ZW10: variants seen among roughly 807,000 people sequenced by gnomAD.
ZW10 encodes centromere/kinetochore protein zw10 homolog.
Under a neutral mutation model 87.8 loss-of-function variants are expected in ZW10, and 53 were observed. The observed-to-expected ratio is 0.60, with a 90% CI of 0.48 to 0.76. The LOEUF (loss-of-function observed/expected upper bound fraction) is 0.76. Among genes scored for constraint, ZW10 ranks in the 30% least tolerant of loss-of-function variants. ZW10 has a pLI of 0.00. For synonymous variants in ZW10, 312 were observed against 329.2 expected, an observed-to-expected ratio of 0.95 and a Z score of 0.57; for missense variants, 837 against 923.0, an observed-to-expected ratio of 0.91 and a Z score of 1.21.
rs1201418565 is a variant in ZW10 at position 113,733,433 on chromosome 11, G to A, written c.*261C>T. 9.0e-6 allele frequency: 4 copies of A among 443,522 alleles called. No homozygotes were observed. Among genetic ancestry groups the A allele is most frequent in the East Asian group, 9.2e-5 (2 of 21,724 alleles). 27.5% of individuals were successfully genotyped at this position (443,522 alleles called of 1,614,324 possible). On this transcript the variant is annotated 3_prime_UTR_variant, in exon 16 of 16. Transcript: ENST00000200135. ...GAAGCAGCATGAAATAATGCTGCCT[G>A]ACAGTTTGTTAGCTAATCAAAGGAA...
intron 7 of ZW10, among the ~76,000 whole-genome samples, chr11:113,751,636 G>A (rs1953735499): frequency 1.3e-5 from 2 of 152,208 alleles, no homozygotes; most frequent in Admixed American, 1.3e-4. Context: ...CGCACTTTGG[G>A]AGCCAAGGAG....
At chr11:113,741,978 A>G (rs1326019574) in intron 10 of ZW10, among the ~76,000 whole-genome samples, 1 of 152,240 alleles carries the variant, frequency 6.6e-6, no homozygotes, top group Admixed American at 6.5e-5. Context: ...AAACACCTGG[A>G]TGCATTAATG....
At chr11:113,744,900 G>C (rs17541153) in intron 9 of ZW10, among the ~76,000 whole-genome samples, 11,578 of 152,062 alleles carry the variant, frequency 0.076, 597 homozygotes, top group Non-Finnish European at 0.11. Context: ...CTGTGCAACT[G>C]GCCTAAGATT....
At chr11:113,762,065 A>T (rs980806753) in intron 2 of ZW10, among the ~76,000 whole-genome samples, 1 of 152,206 alleles carries the variant, frequency 6.6e-6, no homozygotes, top group African/African-American at 2.4e-5. Flanking sequence ...AACAATGGGG[A>T]CGCATTCTAA....
chr11:113,741,837 G>C, intron 10 of ZW10, 72 bp from the exon 11 acceptor site: 1 of 1,052,670 alleles, frequency 9.5e-7, no homozygotes. Context: ...TTTAAACTAA[G>C]TGCATCTTCA....
chr11:113,737,627 C>A lies in ZW10; in HGVS notation c.1961G>T (p.Gly654Val), dbSNP rs1388895629. Residue 654 changes from glycine to valine, a missense_variant, in exon 14 of 16, where the codon GGG becomes GTG. Coordinates refer to ENST00000200135, the MANE Select transcript of ZW10 (RefSeq NM_004724.4). ...AGAAATTGCTGTATTGAGTAAAGTC[C>A]CCATAGCCTTGCAATATATATTCAC... ...LPVNIYCKAM[G>V]TLLNTAISEV... The A allele has an allele frequency of 6.2e-7, 1 of 1,613,488 alleles. No individual in the cohort carries two copies. The highest frequency in any genetic ancestry group is 8.5e-7 in the Non-Finnish European group (1 of 1,179,566).
At chr11:113,761,509 G>A (rs890822940) in intron 2 of ZW10, among the ~76,000 whole-genome samples, 3 of 152,158 alleles carry the variant, frequency 2.0e-5, no homozygotes, top group Admixed American at 1.3e-4. Flanking sequence ...TTGAACTCCT[G>A]GACTCAAGCG....
At chr11:113,765,020 A>C (rs1390818088) in intron 2 of ZW10, among the ~76,000 whole-genome samples, 1 of 152,208 alleles carries the variant, frequency 6.6e-6, no homozygotes, top group African/African-American at 2.4e-5. Flanking sequence ...GTCTGAAGAC[A>C]TTGGCTGTCA....
intron 15 of ZW10, 49 bp from the exon 16 acceptor site, chr11:113,733,863 T>G (rs943044549): frequency 6.6e-7 from 1 of 1,526,228 alleles, no homozygotes; most frequent in Admixed American, 2.2e-5. Context: ...CTCTGAAGTA[T>G]AAGCAAGACT....
intron 5 of ZW10, 28 bp downstream of exon 5, chr11:113,760,181 A>C: frequency 1.2e-6 from 2 of 1,606,386 alleles, no homozygotes; most frequent in Non-Finnish European, 1.7e-6. Flanking sequence ...CAGATGAAGC[A>C]AAGCAGTCCA....
intron 9 of ZW10, among the ~76,000 whole-genome samples, chr11:113,745,443 G>C (rs1427320211): frequency 2.6e-5 from 4 of 152,150 alleles, no homozygotes; most frequent in African/African-American, 9.7e-5. Flanking sequence ...ATTTAAGTCA[G>C]TGGACTTGGC....
chr11:113,751,311 TA>T (rs1953732321), intron 7 of ZW10: 4 of 213,946 alleles, frequency 1.9e-5, no homozygotes, highest in South Asian at 5.8e-5. Context: ...TGCGATGAAA[TA>T]AAAAGGCCAA....
chr11:113,736,940 A>C, intron 14 of ZW10, 118 bp from the exon 15 acceptor site: 1 of 851,760 alleles, frequency 1.2e-6, no homozygotes, highest in Non-Finnish European at 1.9e-6. Flanking sequence ...ATGTTTTCCA[A>C]CCAATTTGGA....
At position 113,739,333 on chromosome 11, in the gene ZW10, AGTT is replaced by A. The variant is rs1443503356; in HGVS notation, c.1630_1632del (p.Asn544del). 1 of 1,608,768 alleles carries A rather than the reference AGTT, an allele frequency of 6.2e-7. No individual in the cohort carries two copies. The highest frequency in any genetic ancestry group is 8.5e-7 in the Non-Finnish European group (1 of 1,177,746). On this transcript the variant is annotated inframe_deletion, in exon 12 of 16. Coordinates refer to ENST00000200135, the MANE Select transcript of ZW10 (RefSeq NM_004724.4). Reference sequence around the variant, plus strand: ...AGCAAGTGGTGAGCAATGTACATACAGTTGTTGTGATGAATAGCAGCCAACTGG... The same window carrying A: ...AGCAAGTGGTGAGCAATGTACATACAGTTGTGATGAATAGCAGCCAACTGG...
chr11:113,748,726 G>A (rs1953706592), intron 7 of ZW10, among the ~76,000 whole-genome samples: 1 of 152,144 alleles, frequency 6.6e-6, no homozygotes, highest in Non-Finnish European at 1.5e-5. Flanking sequence ...GCACTCAGAA[G>A]TTCTGCATTC....
intron 14 of ZW10, 98 bp from the exon 15 acceptor site, chr11:113,736,920 C>A: frequency 9.1e-7 from 1 of 1,100,366 alleles, no homozygotes; most frequent in Admixed American, 1.9e-5. Flanking sequence ...CCAGGTGGGT[C>A]AGCTACAACA....
chr11:113,763,189 C>T (rs1296547049), intron 2 of ZW10, among the ~76,000 whole-genome samples: 3 of 152,220 alleles, frequency 2.0e-5, no homozygotes, highest in Non-Finnish European at 4.4e-5. Context: ...CTACAAAGGA[C>T]ATGCTCTCAT....
chr11:113,740,249 G>A (rs531125753), intron 11 of ZW10, among the ~76,000 whole-genome samples: 30 of 152,240 alleles, frequency 2.0e-4, no homozygotes, highest in African/African-American at 6.7e-4. Context: ...CCTAGGAAGA[G>A]AGTAAATATG....
At position 113,769,030 on chromosome 11, in the gene ZW10, T is replaced by C. The variant is rs1953935930; in HGVS notation, c.106-63A>G. The stretch of plus-strand genomic sequence containing the variant: ...AATGAGTAGAGAACTCTAATAAGAA[T>C]ATATTCATCTTCCACAAGGCATTTT... On this transcript the variant is annotated intron_variant, in intron 1 of 15. Coordinates refer to ENST00000200135, the MANE Select transcript of ZW10 (RefSeq NM_004724.4). 5 of 1,532,484 alleles carry C rather than the reference T, an allele frequency of 3.3e-6. No homozygotes were observed. In the South Asian group the frequency reaches 4.6e-5, roughly 14 times the overall value. 94.9% of individuals were successfully genotyped at this position (1,532,484 alleles called of 1,614,324 possible).
Sources: allele counts gnomAD v4.1 joint callset (sites outside exome capture counted in the v4.1 genomes callset), GRCh38; gene constraint gnomAD v4.1.1; transcripts MANE v1.5; gene names NCBI Gene and HGNC (gene_info 2026-07-23, HGNC 2026-07-21).